MTCL3: variants seen among roughly 807,000 people sequenced by gnomAD.
The protein encoded by MTCL3 is MTCL family member 3.
the MTCL3 span, among the ~76,000 whole-genome samples, chr6:127,484,069 T>C: frequency 6.6e-6 from 1 of 152,170 alleles, no homozygotes; most frequent in Non-Finnish European, 1.5e-5. Context: ...ACTAATGATA[T>C]ATGAATACCA....
At chr6:127,512,954 T>C in the MTCL3 span, 2 of 1,612,368 alleles carry the variant, frequency 1.2e-6, no homozygotes, top group Non-Finnish European at 8.5e-7. Context: ...CTATGAGCTG[T>C]TGCCTCAGTT....
At chr6:127,475,970 C>T in the MTCL3 span, 2 of 1,611,380 alleles carry the variant, frequency 1.2e-6, no homozygotes, top group Non-Finnish European at 1.7e-6. The surrounding 1 kb of genome is among the most constrained non-coding windows in gnomAD (Gnocchi z 7.3). Flanking sequence ...CTGTCGTGGC[C>T]GCCGGACTTG....
the MTCL3 span, among the ~76,000 whole-genome samples, chr6:127,510,944 C>T: frequency 6.6e-6 from 1 of 151,960 alleles, no homozygotes; most frequent in African/African-American, 2.4e-5. Context: ...AAATGAGGGG[C>T]GGGTGTGATG....
chr6:127,510,656 C>G, the MTCL3 span, among the ~76,000 whole-genome samples: 1 of 152,104 alleles, frequency 6.6e-6, no homozygotes, highest in African/African-American at 2.4e-5. Context: ...GGTAATCAAG[C>G]GAAGTTTGTT....
At chr6:127,485,525 G>T in the MTCL3 span, among the ~76,000 whole-genome samples, 1 of 152,112 alleles carries the variant, frequency 6.6e-6, no homozygotes, top group Non-Finnish European at 1.5e-5. Context: ...GACTGTCATA[G>T]AGATATACAA....
chr6:127,508,588 T>G, the MTCL3 span, among the ~76,000 whole-genome samples: 3 of 152,214 alleles, frequency 2.0e-5, no homozygotes, highest in African/African-American at 7.2e-5. Flanking sequence ...GAAAATTATT[T>G]TCTTTTAAGA....
At chr6:127,490,863 A>T in the MTCL3 span, among the ~76,000 whole-genome samples, 1 of 152,172 alleles carries the variant, frequency 6.6e-6, no homozygotes. Context: ...AAGAATATTC[A>T]TGATTGATTG....
the MTCL3 span, among the ~76,000 whole-genome samples, chr6:127,503,252 C>T: frequency 6.6e-6 from 1 of 152,180 alleles, no homozygotes; most frequent in African/African-American, 2.4e-5. Flanking sequence ...GGCCTGCTAA[C>T]TGGTGACATT....
chr6:127,515,447 G>T, the MTCL3 span: 1 of 1,363,736 alleles, frequency 7.3e-7, no homozygotes, highest in Non-Finnish European at 9.6e-7. The surrounding 1 kb of genome is among the most constrained non-coding windows in gnomAD (Gnocchi z 4.3). Flanking sequence ...ATCCCTGCCG[G>T]TACACGCCCT....
the MTCL3 span, among the ~76,000 whole-genome samples, chr6:127,513,602 AT>A: frequency 6.6e-6 from 1 of 152,132 alleles, no homozygotes; most frequent in Non-Finnish European, 1.5e-5. Context: ...AGTCCTTGAG[AT>A]TATTATTTTT....
chr6:127,513,120 A>G, the MTCL3 span: 2 of 1,373,434 alleles, frequency 1.5e-6, no homozygotes, highest in Non-Finnish European at 9.8e-7. Flanking sequence ...TTGTATTCCT[A>G]TTGAAAGCAT....
chr6:127,495,088 TA>T, the MTCL3 span, among the ~76,000 whole-genome samples: 20,892 of 150,962 alleles, frequency 0.14, 2,246 homozygotes, highest in East Asian at 0.64. Context: ...TCCCAGCTAC[TA>T]GGAAGGCGGA....
chr6:127,516,481 G>C, the MTCL3 span: 4 of 1,599,614 alleles, frequency 2.5e-6, no homozygotes, highest in Non-Finnish European at 2.5e-6. Flanking sequence ...ACTGTCCCTC[G>C]GTCTAGCGGG....
chr6:127,475,928 C>T, the MTCL3 span: 1 of 1,612,982 alleles, frequency 6.2e-7, no homozygotes, highest in Non-Finnish European at 8.5e-7. This position sits in a 1 kb window ranked among gnomAD's most constrained non-coding sequence, Gnocchi z 7.3. Flanking sequence ...TCCTGCAGGG[C>T]CTCGGTCTTG....
At chr6:127,493,285 A>C in the MTCL3 span, among the ~76,000 whole-genome samples, 1 of 152,192 alleles carries the variant, frequency 6.6e-6, no homozygotes, top group Admixed American at 6.5e-5. Context: ...TAAGGATTCG[A>C]TTTTCCAAAC....
the MTCL3 span, among the ~76,000 whole-genome samples, chr6:127,481,092 G>T: frequency 6.6e-6 from 1 of 152,184 alleles, no homozygotes; most frequent in African/African-American, 2.4e-5. Context: ...GCAGAAAGTT[G>T]CCCACATGCA....
chr6:127,514,933 A>G, the MTCL3 span: 1 of 1,614,156 alleles, frequency 6.2e-7, no homozygotes, highest in Non-Finnish European at 8.5e-7. Flanking sequence ...AGGATCCGGC[A>G]GTTTTTGTTG....
chr6:127,513,771 G>A, the MTCL3 span, among the ~76,000 whole-genome samples: 11 of 152,068 alleles, frequency 7.2e-5, no homozygotes, highest in Non-Finnish European at 1.5e-5. Context: ...TGTTTTCCAG[G>A]CCTGGGCACT....
the MTCL3 span, among the ~76,000 whole-genome samples, chr6:127,492,724 G>A: frequency 3.9e-5 from 6 of 152,204 alleles, no homozygotes; most frequent in East Asian, 1.9e-4. Context: ...GGGTTTCACC[G>A]TGTTAGCCAG....
Sources: gnomAD v4.1 joint callset for allele counts (sites outside exome capture counted in the v4.1 genomes callset) on GRCh38, gnomAD v4.1.1 for gene constraint, Gnocchi (gnomAD v3.1) non-coding constraint, MANE v1.5 for transcripts, NCBI Gene and HGNC (gene_info 2026-07-23, HGNC 2026-07-21) for gene names.